The following PKHD1L1 variants were observed in gnomAD, a reference collection of about 807,000 sequenced individuals.
The protein encoded by PKHD1L1 is PKHD1 like 1.
A neutral mutation model predicts 462.9 loss-of-function variants in PKHD1L1; 434 were observed. The ratio of observed to expected loss-of-function variants is 0.94; its 90% CI spans 0.87 to 1.02. The LOEUF (loss-of-function observed/expected upper bound fraction) is 1.02, where lower values mean the gene tolerates loss of function less well. Among genes scored for constraint, PKHD1L1 ranks in the 50% least tolerant of loss-of-function variants. The pLI, the probability that PKHD1L1 is intolerant of heterozygous loss-of-function variation, is 0.00. For missense variants in PKHD1L1, 5,202 were observed against 5,096.1 expected (o/e 1.02, Z -0.63); for synonymous variants, 1,781 against 1,750.0 (o/e 1.02, Z -0.44).
rs765835783 is a variant in PKHD1L1 at position 109,477,256 on chromosome 8, G to A, written c.8949G>A (p.Gln2983=). 3 of 1,613,182 alleles carry A rather than the reference G, an allele frequency of 1.9e-6. No homozygotes were observed. Among genetic ancestry groups the A allele is most frequent in the African/African-American group, 2.7e-5 (2 of 74,854 alleles). The change falls in exon 53 of 78, where the codon CAG becomes CAA. Residue 2983 remains glutamine, a synonymous_variant. Transcript: ENST00000378402. ...VSGRNDLHQS[Q]LISGNLDPDV... ...GAAGAAATGACCTTCATCAGAGTCA[G>A]CTCATTTCTGGGAACCTGGATCCTG...
Position 109,442,997 on chromosome 8 carries a change from G to C in PKHD1L1, c.4445G>C (p.Gly1482Ala), listed in dbSNP as rs1317391796. ...CCTGGAATCCATTATTATAGCAGCG[G>C]GTATGTTGATGAGGCTCACTCCATT... ...TSPGIHYYSS[G>A]YVDEAHSIFL... Residue 1482 changes from glycine (G) to alanine (A), a missense_variant, in exon 36 of 78, where the codon GGG becomes GCG. Around this residue, in one of 3 missense-constraint regions of PKHD1L1, gnomAD observed 4,497 missense variants for 4,336.8 expected, o/e 1.04. Transcript: ENST00000378402. 1 of 1,613,438 alleles carries C rather than the reference G, an allele frequency of 6.2e-7. No individual in the cohort carries two copies. The highest frequency in any genetic ancestry group is 1.7e-5 in the Admixed American group (1 of 59,984).
chr8:109,389,270 G>GT (rs1812592970), intron 8 of PKHD1L1, 118 bp downstream of exon 8: 11 of 705,606 alleles, frequency 1.6e-5, no homozygotes, highest in East Asian at 2.9e-5. Context: ...TTGTTTGTTT[G>GT]TTTTTTGTAT....
chr8:109,395,939 GC>G, intron 10 of PKHD1L1, 87 bp from the exon 11 acceptor site: 1 of 834,300 alleles, frequency 1.2e-6, no homozygotes, highest in Non-Finnish European at 2.0e-6. Flanking sequence ...AGGCACTATG[GC>G]TAGGTAATTT....
chr8:109,404,045 G>A (rs1371492811), intron 14 of PKHD1L1, among the ~76,000 whole-genome samples: 1 of 152,072 alleles, frequency 6.6e-6, no homozygotes, highest in Non-Finnish European at 1.5e-5. Context: ...AATCTGACCG[G>A]TAAAAGTTTC....
At chr8:109,404,850 G>GTATT in intron 15 of PKHD1L1, 137 bp downstream of exon 15, 1 of 1,159,402 alleles carries the variant, frequency 8.6e-7, no homozygotes, top group Non-Finnish European at 1.2e-6. Context: ...ATGACTTTGA[G>GTATT]TATTTGTACG....
chr8:109,525,737 G>A (rs1820783974), intron 76 of PKHD1L1, among the ~76,000 whole-genome samples: 1 of 152,014 alleles, frequency 6.6e-6, no homozygotes, highest in African/African-American at 2.4e-5. Flanking sequence ...AAATTCACCT[G>A]CCACAAAAAT....
rs1243526203 is a variant in PKHD1L1 at position 109,464,700 on chromosome 8, G to T, written c.7868G>T (p.Gly2623Val). 6.2e-7 allele frequency: 1 copy of T among 1,613,614 alleles called. No individual in the cohort carries two copies. The highest frequency in any genetic ancestry group is 1.3e-5 in the African/African-American group (1 of 74,922). Residue 2623 changes from glycine to valine, a missense_variant, in exon 49 of 78, where the codon GGA (glycine) becomes GTA (valine). By Grantham distance (109) the Gly-to-Val change is moderately radical (BLOSUM62 -3). This residue lies in a region of PKHD1L1 where 4,497 missense variants were observed against 4,336.8 expected (regional missense o/e 1.04). Coordinates refer to ENST00000378402, the MANE Select transcript of PKHD1L1 (RefSeq NM_177531.6). ...NNTVHSQGWFGMWIFEEYFPM... is the reference protein window; with the variant it reads ...NNTVHSQGWFVMWIFEEYFPM... ...ACTGTCCATTCTCAAGGTTGGTTTG[G>T]AATGTGGATCTTTGAGGAATATTTC...
intron 25 of PKHD1L1, among the ~76,000 whole-genome samples, chr8:109,427,499 C>G (rs759693627): frequency 1.3e-5 from 2 of 151,984 alleles, no homozygotes; most frequent in Non-Finnish European, 2.9e-5. Flanking sequence ...TAAGGGGGTC[C>G]CAAAGAGAAT....
At chr8:109,435,403 A>T (rs760825201) in intron 29 of PKHD1L1, 49 bp downstream of exon 29, 1 of 1,571,096 alleles carries the variant, frequency 6.4e-7, no homozygotes, top group Non-Finnish European at 8.7e-7. Flanking sequence ...CATTTCCATC[A>T]GTTCAATGTG....
At position 109,533,980 on chromosome 8, in the gene PKHD1L1, G is replaced by T. The variant is rs184019154; in HGVS notation, c.*3890G>T. Among the ~76,000 whole-genome samples, 14 of 152,176 alleles carry T rather than the reference G, an allele frequency of 9.2e-5. No homozygotes were observed. The East Asian group carries it at 2.7e-3, about 29-fold the overall frequency. ...CCTATACCAGCCCTTGCTCCTTTAGGGTTTCATTGTTATTTGGTGGTTATC... is the reference window on the plus strand; with the variant it reads ...CCTATACCAGCCCTTGCTCCTTTAGTGTTTCATTGTTATTTGGTGGTTATC... On this transcript the variant is annotated 3_prime_UTR_variant, in exon 78 of 78. Transcript: ENST00000378402.
intron 70 of PKHD1L1, 130 bp downstream of exon 70, chr8:109,508,394 A>G: frequency 2.2e-6 from 2 of 923,840 alleles, no homozygotes; most frequent in Non-Finnish European, 3.3e-6. Flanking sequence ...TTCCATTTGT[A>G]ACAATGAGCA....
At chr8:109,374,860 C>T (rs1193306037) in intron 2 of PKHD1L1, among the ~76,000 whole-genome samples, 6 of 152,128 alleles carry the variant, frequency 3.9e-5, no homozygotes, top group African/African-American at 1.2e-4. Flanking sequence ...GAGTTTCTGC[C>T]GAGAGATCAG....
rs1266387020 is a variant in PKHD1L1, at chr8:109,448,202, A to G, written c.5836A>G (p.Ile1946Val). 5 of 1,612,554 alleles carry G rather than the reference A, an allele frequency of 3.1e-6. No homozygotes were observed. The highest frequency in any genetic ancestry group is 2.5e-6 in the Non-Finnish European group (3 of 1,179,326). Residue 1946 changes from isoleucine to valine, a missense_variant, in exon 39 of 78, where the codon ATC becomes GTC. Coordinates refer to ENST00000378402, the MANE Select transcript of PKHD1L1 (RefSeq NM_177531.6). ...GSNFGFEILE[I>V]SVMINNIQCN... The stretch of plus-strand genomic sequence containing the variant: ...CAACTTTGGCTTTGAGATCTTGGAA[A>G]TCTCCGTGATGATAAATAACATTCA...
At chr8:109,380,758 C>A (rs1251698040) in intron 2 of PKHD1L1, among the ~76,000 whole-genome samples, 1 of 152,176 alleles carries the variant, frequency 6.6e-6, no homozygotes, top group Non-Finnish European at 1.5e-5. Context: ...TGCTCTCTCT[C>A]ATACCTAAAA....
chr8:109,461,181 T>C (rs911590535), intron 47 of PKHD1L1, among the ~76,000 whole-genome samples: 2 of 152,176 alleles, frequency 1.3e-5, no homozygotes, highest in African/African-American at 2.4e-5. Flanking sequence ...ATACTATAAG[T>C]AGTTGAACAA....
chr8:109,405,189 A>T, intron 16 of PKHD1L1, 59 bp downstream of exon 16: 1 of 1,092,454 alleles, frequency 9.2e-7, no homozygotes, highest in Non-Finnish European at 1.3e-6. Flanking sequence ...GTAGTCATAA[A>T]GTATTTGCTG....
rs368670640 is a variant in PKHD1L1, at chr8:109,452,173, G to A, written c.6400G>A (p.Val2134Ile). 21 of 1,613,158 alleles carry A rather than the reference G, an allele frequency of 1.3e-5. No homozygotes were observed. The East Asian group carries it at 2.7e-4, about 21-fold the overall frequency. ...CACCATAGCTGAAGCCAAATGTGAT[G>A]TTGAGTATTCCAACAAGACACACAT... is the stretch of plus-strand genomic sequence containing the variant. ...HITIAEAKCDVEYSNKTHIIC... is the reference protein window; with the variant it reads ...HITIAEAKCDIEYSNKTHIIC... Residue 2134 changes from valine (V) to isoleucine (I), a missense_variant, in exon 42 of 78, where the codon GTT becomes ATT. By Grantham distance (29) the Val-to-Ile change is conservative. Around this residue, in one of 3 missense-constraint regions of PKHD1L1, gnomAD observed 4,497 missense variants for 4,336.8 expected, o/e 1.04. Coordinates refer to ENST00000378402, the MANE Select transcript of PKHD1L1 (RefSeq NM_177531.6).
At chr8:109,429,692 A>G (rs545139367) in intron 26 of PKHD1L1, among the ~76,000 whole-genome samples, 1 of 152,306 alleles carries the variant, frequency 6.6e-6, no homozygotes, top group Admixed American at 6.5e-5. Context: ...ATTTGAAAAT[A>G]GAGGAATCTT....
At chr8:109,508,414 G>C (rs1247956201) in intron 70 of PKHD1L1, 150 bp downstream of exon 70, 2 of 753,482 alleles carry the variant, frequency 2.7e-6, no homozygotes, top group African/African-American at 3.5e-5. Flanking sequence ...AATGCGCAGG[G>C]GAGAGACTTG....
Sources: allele counts gnomAD v4.1 joint callset (sites outside exome capture counted in the v4.1 genomes callset), GRCh38; gene constraint gnomAD v4.1.1; regional missense constraint gnomAD v4.1.1; transcripts MANE v1.5; gene names NCBI Gene and HGNC (gene_info 2026-07-23, HGNC 2026-07-21).